Variants in PLPPR1 observed in about 807,000 individuals in gnomAD.
The protein encoded by PLPPR1 is phospholipid phosphatase related 1, also known as phospholipid phosphatase-related protein type 1.
In PLPPR1, 10 loss-of-function variants were observed where a neutral mutation model predicts 33.1. That is an observed-to-expected ratio of 0.30 (90% CI 0.19 to 0.51). The LOEUF is 0.51. PLPPR1 is among the 20% of genes least tolerant of loss of function. PLPPR1 has a pLI of 0.97. For synonymous variants in PLPPR1, 151 were observed against 151.0 expected, an observed-to-expected ratio of 1.00 and a Z score of 0.00; for missense variants, 304 against 408.1, an observed-to-expected ratio of 0.74 and a Z score of 2.20.
At chr9:101,202,832 T>G (rs1432034927) in intron 2 of PLPPR1, among the ~76,000 whole-genome samples, 1 of 152,174 alleles carries the variant, frequency 6.6e-6, no homozygotes, top group Non-Finnish European at 1.5e-5. Context: ...CCAGAGGCAT[T>G]GAATTTTGGG....
chr9:101,041,705 A>G (rs1386541317), intron 1 of PLPPR1, among the ~76,000 whole-genome samples: 2 of 152,088 alleles, frequency 1.3e-5, no homozygotes, highest in African/African-American at 2.4e-5. Context: ...GACTACTTGA[A>G]GTTGTGCCTG....
chr9:101,175,400 G>T (rs1428745632), intron 1 of PLPPR1, among the ~76,000 whole-genome samples: 2 of 152,018 alleles, frequency 1.3e-5, no homozygotes, highest in African/African-American at 4.8e-5. Context: ...CTTTTCTTCT[G>T]ATTTTAAAAT....
chr9:101,218,166 T>C (rs1275383214), intron 2 of PLPPR1, among the ~76,000 whole-genome samples: 1 of 152,166 alleles, frequency 6.6e-6, no homozygotes, highest in African/African-American at 2.4e-5. Context: ...CTATTCTTGA[T>C]AGTATATCAA....
chr9:101,175,599 G>A (rs1379696204), intron 1 of PLPPR1, among the ~76,000 whole-genome samples: 2 of 151,998 alleles, frequency 1.3e-5, no homozygotes, highest in Non-Finnish European at 2.9e-5. Flanking sequence ...GTCTCTTCTT[G>A]ATATCTGTTA....
intron 2 of PLPPR1, among the ~76,000 whole-genome samples, chr9:101,232,767 TGGGCAAGTTATTTTTTCTCTGTGAA>T (rs1827217572): frequency 6.6e-6 from 1 of 151,996 alleles, no homozygotes; most frequent in Non-Finnish European, 1.5e-5. Flanking sequence ...TATGAGGTCT[TGGGCAAGTTATTTTTTCTCTGTGAA>T]CCTCAGTTTC....
chr9:101,084,735 G>T (rs74884435), intron 1 of PLPPR1, among the ~76,000 whole-genome samples: 3,204 of 152,272 alleles, frequency 0.021, 73 homozygotes, highest in African/African-American at 0.057. Context: ...TAAGCATAAA[G>T]AAAGGAAAAT....
chr9:101,127,021 T>C (rs1459279212), intron 1 of PLPPR1, among the ~76,000 whole-genome samples: 2 of 149,748 alleles, frequency 1.3e-5, no homozygotes, highest in Non-Finnish European at 3.0e-5. Context: ...ACTGCTTTAC[T>C]GCACTAAAGA....
intron 2 of PLPPR1, among the ~76,000 whole-genome samples, chr9:101,189,292 G>GAA (rs1024627968): frequency 1.1e-4 from 17 of 152,144 alleles, no homozygotes; most frequent in African/African-American, 4.1e-4. Context: ...GCAATTTGTT[G>GAA]AAAGAGTCAT....
intron 1 of PLPPR1, among the ~76,000 whole-genome samples, chr9:101,096,820 C>T (rs1423359706): frequency 1.3e-5 from 2 of 152,096 alleles, no homozygotes; most frequent in African/African-American, 2.4e-5. Flanking sequence ...ATCCCAGCAC[C>T]TTGAGAGGCT....
At chr9:101,304,946 T>TGTTGA (rs1794272012) in intron 4 of PLPPR1, among the ~76,000 whole-genome samples, 1 of 152,112 alleles carries the variant, frequency 6.6e-6, no homozygotes, top group Non-Finnish European at 1.5e-5. Context: ...TGCCACCTCC[T>TGTTGA]GTTGAGTTCT....
At chr9:101,106,936 C>T (rs1379747150) in intron 1 of PLPPR1, among the ~76,000 whole-genome samples, 13 of 76,704 alleles carry the variant, frequency 1.7e-4, no homozygotes, top group African/African-American at 5.9e-4. Flanking sequence ...TCCAGTTGAT[C>T]GCATCGGCTC....
Position 101,277,748 on chromosome 9 carries a change from C to T in PLPPR1, c.252+7680C>T, listed in dbSNP as rs554124371. ...AGGGCAGAGTCGAGCTAGAATTACA[C>T]TATATTTCCTTACTCCAGGACTGGG... is the stretch of plus-strand genomic sequence containing the variant. On this transcript the variant is annotated intron_variant, in intron 3 of 7. Coordinates refer to ENST00000374874, the MANE Select transcript of PLPPR1 (RefSeq NM_207299.2). Among the ~76,000 whole-genome samples the T allele has an allele frequency of 9.8e-5, 15 of 152,312 alleles. No homozygotes were observed. In the South Asian group the frequency reaches 2.3e-3, roughly 23 times the overall value.
At chr9:101,202,698 G>A (rs888519235) in intron 2 of PLPPR1, among the ~76,000 whole-genome samples, 1 of 152,196 alleles carries the variant, frequency 6.6e-6, no homozygotes, top group Admixed American at 6.5e-5. Flanking sequence ...GAGAAATGGG[G>A]CTCTGTGCAT....
At chr9:101,305,053 A>G (rs1278028898) in intron 4 of PLPPR1, among the ~76,000 whole-genome samples, 1 of 152,176 alleles carries the variant, frequency 6.6e-6, no homozygotes, top group Non-Finnish European at 1.5e-5. Flanking sequence ...GTGGGGAGAC[A>G]GAAGCCTTGT....
intron 2 of PLPPR1, among the ~76,000 whole-genome samples, chr9:101,225,977 T>C (rs1427776526): frequency 6.6e-6 from 1 of 152,044 alleles, no homozygotes; most frequent in African/African-American, 2.4e-5. Context: ...TCGTAGATCG[T>C]ACAGTAAGTA....
chr9:101,282,273 T>C (rs1828318129), intron 3 of PLPPR1, among the ~76,000 whole-genome samples: 2 of 152,092 alleles, frequency 1.3e-5, no homozygotes, highest in Middle Eastern at 3.2e-3. Context: ...CACAAATCAA[T>C]AAATGTAGTA....
rs75157014 is a variant in PLPPR1, at chr9:101,090,565, C to T, written c.-46+61463C>T. ...CTGGCTTCCAGAGTGCCAGTAGCCT[C>T]CTTCCACCTGAGTTCAGTGTTCACG... On this transcript the variant is annotated intron_variant, in intron 1 of 7. Transcript: ENST00000374874. Among the ~76,000 whole-genome samples, 1,042 of 152,184 alleles carry T rather than the reference C, an allele frequency of 6.8e-3. 13 individuals carry two copies. Among genetic ancestry groups the T allele is most frequent in the African/African-American group, 0.024 (1,006 of 41,522 alleles).
At chr9:101,037,045 C>T (rs1195562292) in intron 1 of PLPPR1, among the ~76,000 whole-genome samples, 1 of 152,114 alleles carries the variant, frequency 6.6e-6, no homozygotes, top group Non-Finnish European at 1.5e-5. Flanking sequence ...CCATAACCTT[C>T]TTGCCACCCA....
chr9:101,315,463 G>C (rs760516840), intron 6 of PLPPR1, among the ~76,000 whole-genome samples: 1 of 152,194 alleles, frequency 6.6e-6, no homozygotes, highest in East Asian at 1.9e-4. Flanking sequence ...TAGGGTCTTT[G>C]TGGGATGATA....
Sources: gnomAD v4.1 joint callset for allele counts (sites outside exome capture counted in the v4.1 genomes callset) on GRCh38, gnomAD v4.1.1 for gene constraint, MANE v1.5 for transcripts, NCBI Gene and HGNC (gene_info 2026-07-23, HGNC 2026-07-21) for gene names.